Variants in EVI5 observed in about 807,000 individuals in gnomAD.
The protein encoded by EVI5 is ecotropic viral integration site 5, also known as ecotropic viral integration site 5 protein homolog.
A neutral mutation model predicts 112.0 loss-of-function variants in EVI5; 73 were observed. The ratio of observed to expected loss-of-function variants is 0.65; its 90% confidence interval spans 0.54 to 0.79. The LOEUF is 0.79. EVI5 is among the 30% of genes least tolerant of loss of function. The pLI, the probability that EVI5 is intolerant of heterozygous loss-of-function variation, is 0.00. For missense variants in EVI5, 900 were observed against 968.8 expected (o/e 0.93, Z 0.94); for synonymous variants, 305 against 319.9 (o/e 0.95, Z 0.50).
chr1:92,782,812 C>T (rs1685035735), intron 1 of EVI5, among the ~76,000 whole-genome samples: 1 of 151,990 alleles, frequency 6.6e-6, no homozygotes, highest in Non-Finnish European at 1.5e-5. Context: ...TCATTACCTG[C>T]GATGTTTTTT....
chr1:92,616,789 T>A (rs1653286147), intron 16 of EVI5, among the ~76,000 whole-genome samples: 1 of 152,124 alleles, frequency 6.6e-6, no homozygotes, highest in African/African-American at 2.4e-5. Flanking sequence ...AGTCATGAAG[T>A]GACTATGGGT....
At chr1:92,775,837 G>A (rs1253090854) in intron 1 of EVI5, among the ~76,000 whole-genome samples, 5 of 151,890 alleles carry the variant, frequency 3.3e-5, no homozygotes, top group East Asian at 3.9e-4. Flanking sequence ...GGCCGGGCAC[G>A]GTGGCTCACG....
intron 9 of EVI5, among the ~76,000 whole-genome samples, chr1:92,687,120 C>T (rs558089220): frequency 3.3e-5 from 5 of 152,084 alleles, no homozygotes; most frequent in Admixed American, 1.3e-4. Flanking sequence ...GGAGGCATCA[C>T]GCTACCTGAC....
In EVI5 at chr1:92,510,940, T is replaced by G. The variant is rs201373885; in HGVS notation, c.*2716A>C. ...GAGGGTCAAAGCAATAATGTGGCCA[T>G]GCATCATCTCACTTCACTTGGACAT... On this transcript the variant is annotated 3_prime_UTR_variant, in exon 20 of 20. Transcript: ENST00000684568. The G allele has an allele frequency of 5.9e-5, 9 of 152,210 alleles. No individual in the cohort carries two copies. Among genetic ancestry groups the G allele is most frequent in the Admixed American group, 6.5e-5 (1 of 15,282 alleles). The allele number at this position is 152,210 out of a possible 1,614,324, so 9.4% of individuals were successfully genotyped here.
intron 19 of EVI5, among the ~76,000 whole-genome samples, chr1:92,525,339 G>C (rs1661700577): frequency 8.0e-6 from 1 of 125,086 alleles, no homozygotes; most frequent in African/African-American, 3.2e-5. Context: ...GCACAATCTT[G>C]GCTGACTCCA....
At chr1:92,538,296 C>T (rs1316127307) in intron 19 of EVI5, among the ~76,000 whole-genome samples, 3 of 152,296 alleles carry the variant, frequency 2.0e-5, no homozygotes, top group South Asian at 4.1e-4. Context: ...TGACCAATTA[C>T]AGGAAATAAA....
chr1:92,659,630 A>G (rs1663632058), intron 13 of EVI5, among the ~76,000 whole-genome samples: 1 of 152,142 alleles, frequency 6.6e-6, no homozygotes, highest in African/African-American at 2.4e-5. Context: ...ACACATATAC[A>G]CTACTGGTGG....
chr1:92,689,985 C>T (rs1669222886), intron 9 of EVI5, among the ~76,000 whole-genome samples: 1 of 152,116 alleles, frequency 6.6e-6, no homozygotes, highest in African/African-American at 2.4e-5. Flanking sequence ...CAACTCCAGA[C>T]TCAAGCAATC....
chr1:92,724,052 G>A (rs998490531), intron 2 of EVI5, among the ~76,000 whole-genome samples: 2 of 152,124 alleles, frequency 1.3e-5, no homozygotes, highest in Non-Finnish European at 2.9e-5. Flanking sequence ...AAGACAATGC[G>A]TGCACAGTGG....
chr1:92,738,323 T>C (rs922453175), intron 1 of EVI5, among the ~76,000 whole-genome samples: 2 of 151,980 alleles, frequency 1.3e-5, no homozygotes, highest in Non-Finnish European at 2.9e-5. Flanking sequence ...CACTCTAATA[T>C]TTAAAAAGAG....
intron 5 of EVI5, 43 bp downstream of exon 5, chr1:92,702,098 A>C: frequency 1.0e-6 from 1 of 1,000,076 alleles, no homozygotes; most frequent in East Asian, 2.8e-5. Flanking sequence ...AATCCAACTT[A>C]ATAAAAAATT....
chr1:92,773,583 A>G (rs1024008016), intron 1 of EVI5, among the ~76,000 whole-genome samples: 9 of 152,114 alleles, frequency 5.9e-5, no homozygotes, highest in Non-Finnish European at 1.5e-5. Flanking sequence ...TCAAGGCTGC[A>G]CTGAGCTATG....
chr1:92,763,776 T>C (rs936527334), intron 1 of EVI5, among the ~76,000 whole-genome samples: 1 of 152,084 alleles, frequency 6.6e-6, no homozygotes, highest in Non-Finnish European at 1.5e-5. Context: ...CCAGCCTAGG[T>C]GACAGAGGGA....
At chr1:92,674,807 G>A (rs1250866556) in intron 10 of EVI5, among the ~76,000 whole-genome samples, 2 of 151,954 alleles carry the variant, frequency 1.3e-5, no homozygotes, top group Non-Finnish European at 2.9e-5. Flanking sequence ...GGGGAGTGAA[G>A]AAAGAGATGA....
chr1:92,601,436 C>T (rs6698896), intron 18 of EVI5, among the ~76,000 whole-genome samples: 3,146 of 152,160 alleles, frequency 0.021, 123 homozygotes, highest in African/African-American at 0.071. Flanking sequence ...TTCACAATAG[C>T]CAAGACATGC....
At chr1:92,666,039 A>G (rs1033624237) in intron 10 of EVI5, 47 bp from the exon 11 acceptor site, 1 of 1,255,958 alleles carries the variant, frequency 8.0e-7, no homozygotes, top group African/African-American at 1.5e-5. Flanking sequence ...TTGAGAGGAA[A>G]AAAAAGATTT....
chr1:92,605,332 T>C lies in EVI5; in HGVS notation c.2045A>G (p.Gln682Arg), dbSNP rs1162581470. Residue 682 changes from glutamine (Q) to arginine (R), a missense_variant, in exon 18 of 20, where the codon CAA becomes CGA. Gln to Arg is a conservative substitution (Grantham distance 43, BLOSUM62 1). Coordinates refer to ENST00000684568, the MANE Select transcript of EVI5 (RefSeq NM_001350197.2). ...CTGGATTTCAAGCTCAGCAATGTGT[T>C]GTCGTAGTTCAGCCACAGCAGCTAT... ...DSIAAVAELR[Q>R]HIAELEIQKE... The C allele has an allele frequency of 1.9e-6, 3 of 1,612,470 alleles. No homozygotes were observed. Among genetic ancestry groups the C allele is most frequent in the East Asian group, 2.2e-5 (1 of 44,888 alleles).
chr1:92,705,328 T>C (rs546623090), intron 2 of EVI5, among the ~76,000 whole-genome samples: 1 of 152,350 alleles, frequency 6.6e-6, no homozygotes, highest in African/African-American at 2.4e-5. Flanking sequence ...TATTTGCTTA[T>C]ATGCATTTAT....
intron 18 of EVI5, 93 bp from the exon 19 acceptor site, chr1:92,563,830 A>G (rs1668997257): frequency 1.6e-6 from 1 of 626,262 alleles, no homozygotes; most frequent in South Asian, 2.3e-5. Flanking sequence ...GCATAGGCAC[A>G]TACCCTTTAA....
Sources: allele counts gnomAD v4.1 joint callset (sites outside exome capture counted in the v4.1 genomes callset), GRCh38; gene constraint gnomAD v4.1.1; transcripts MANE v1.5; gene names NCBI Gene and HGNC (gene_info 2026-07-23, HGNC 2026-07-21).